MAP3K3: variants seen among roughly 807,000 people sequenced by gnomAD.
MAP3K3 encodes the protein MAP/ERK kinase kinase 3.
Under a neutral mutation model 80.9 loss-of-function variants are expected in MAP3K3, and 12 were observed. That is an observed-to-expected ratio of 0.15 (90% confidence interval 0.10 to 0.24). The LOEUF is 0.24. Ranked by LOEUF, MAP3K3 falls within the 10% of genes least tolerant of loss-of-function variation. MAP3K3 has a pLI of 1.00. For missense variants in MAP3K3, 596 were observed against 834.7 expected (o/e 0.71, Z 3.52); for synonymous variants, 272 against 307.1 (o/e 0.89, Z 1.19).
chr17:63,690,722 C>G (rs1012083550), intron 12 of MAP3K3: 2 of 437,748 alleles, frequency 4.6e-6, no homozygotes, highest in African/African-American at 2.0e-5. Context: ...CTCTCCCCAG[C>G]TCTCAGCCCA....
chr17:63,653,889 C>G (rs2034709446), intron 4 of MAP3K3, among the ~76,000 whole-genome samples: 1 of 151,922 alleles, frequency 6.6e-6, no homozygotes, highest in Non-Finnish European at 1.5e-5. Context: ...TTTTCTGAGA[C>G]AGAGTCTTGC....
At chr17:63,672,232 G>A (rs2035125573) in intron 6 of MAP3K3, among the ~76,000 whole-genome samples, 2 of 148,004 alleles carry the variant, frequency 1.4e-5, no homozygotes, top group Admixed American at 6.8e-5. Context: ...GCAGTGAGCC[G>A]AGATGGTGCC....
chr17:63,693,877 A>T lies in MAP3K3; in HGVS notation c.*100A>T. On this transcript the variant is annotated 3_prime_UTR_variant, in exon 16 of 16. Transcript: ENST00000361733. The surrounding 1 kb of genome is among the most constrained non-coding windows in gnomAD (Gnocchi z 4.2). ...CTGCTTCTCCCAGGCAAGGCTGTGGACCATGGAGTGGCAGCCCAGCCAGCG... is the reference window on the plus strand; with the variant it reads ...CTGCTTCTCCCAGGCAAGGCTGTGGTCCATGGAGTGGCAGCCCAGCCAGCG... The T allele has an allele frequency of 9.4e-7, 1 of 1,068,164 alleles. No homozygotes were observed. Among genetic ancestry groups the T allele is most frequent in the Non-Finnish European group, 1.3e-6 (1 of 744,424 alleles). The allele number at this position is 1,068,164 out of a possible 1,614,324, so 66.2% of individuals were successfully genotyped here.
intron 2 of MAP3K3, among the ~76,000 whole-genome samples, chr17:63,643,095 A>G (rs2034476904): frequency 6.6e-6 from 1 of 152,102 alleles, no homozygotes; most frequent in African/African-American, 2.4e-5. Flanking sequence ...AAAATTAAAC[A>G]AAAACAAAAA....
In MAP3K3 at chr17:63,693,152, A is replaced by G. The variant is rs986706785; in HGVS notation, c.1653-397A>G. Among the ~76,000 whole-genome samples the G allele has an allele frequency of 7.9e-5, 12 of 152,118 alleles. No individual in the cohort carries two copies. Among genetic ancestry groups the G allele is most frequent in the Non-Finnish European group, 1.3e-4 (9 of 68,010 alleles). On this transcript the variant is annotated intron_variant, in intron 15 of 15. Transcript: ENST00000361733. This position sits in a 1 kb window ranked among gnomAD's most constrained non-coding sequence, Gnocchi z 4.2. The stretch of plus-strand genomic sequence containing the variant: ...TCTCCCCTCAGAGCCTCTGACAGGA[A>G]CCAGCCCTGCCGCCACCTTGACTTT...
chr17:63,683,036 T>C (rs2143568735), intron 7 of MAP3K3, among the ~76,000 whole-genome samples: 1 of 152,328 alleles, frequency 6.6e-6, no homozygotes, highest in South Asian at 2.1e-4. Flanking sequence ...TCTAGCTTCA[T>C]TCTGGTCTTT....
chr17:63,658,004 C>A, intron 5 of MAP3K3, 97 bp downstream of exon 5: 1 of 605,780 alleles, frequency 1.7e-6, no homozygotes, highest in Non-Finnish European at 2.9e-6. Flanking sequence ...CGTTCCTCAG[C>A]CACTGCCAAA....
intron 1 of MAP3K3, among the ~76,000 whole-genome samples, chr17:63,627,937 A>C: frequency 1.4e-5 from 2 of 139,910 alleles, no homozygotes; most frequent in Non-Finnish European, 1.5e-5. Flanking sequence ...CAGAGTCTCT[A>C]CTCTGTCGCC....
Position 63,689,919 on chromosome 17 carries a change from C to T in MAP3K3, c.1063+184C>T, listed in dbSNP as rs1206978305. ...TCCACTATTGTGTGACAAGCCTCTTCTCCTCTCTGATCTTTAGTTTTTCCA... is the reference window on the plus strand; with the variant it reads ...TCCACTATTGTGTGACAAGCCTCTTTTCCTCTCTGATCTTTAGTTTTTCCA... On this transcript the variant is annotated intron_variant, in intron 11 of 15. Coordinates refer to ENST00000361733, the MANE Select transcript of MAP3K3 (RefSeq NM_002401.5). The surrounding 1 kb of genome is among the most constrained non-coding windows in gnomAD (Gnocchi z 4.3). 3 of 609,824 alleles carry T rather than the reference C, an allele frequency of 4.9e-6. No individual in the cohort carries two copies. 37.8% of individuals were successfully genotyped at this position (609,824 alleles called of 1,614,324 possible). A position where few individuals can be genotyped will look rare whatever the true frequency, so the allele number is the denominator to read the frequency against.
At chr17:63,638,846 G>T (rs1471183278) in intron 2 of MAP3K3, among the ~76,000 whole-genome samples, 1 of 151,854 alleles carries the variant, frequency 6.6e-6, no homozygotes, top group Non-Finnish European at 1.5e-5. Context: ...GGCCAACGTG[G>T]TGAAACCCTG....
rs188583624 is a variant in MAP3K3, at chr17:63,671,237, C to T, written c.502+4177C>T. 1.2e-3 allele frequency among the ~76,000 whole-genome samples: 176 copies of T among 151,450 alleles called. 1 individual carries two copies. Among genetic ancestry groups the T allele is most frequent in the African/African-American group, 4.2e-3 (174 of 41,022 alleles). On this transcript the variant is annotated intron_variant, in intron 6 of 15. Transcript: ENST00000361733. Reference sequence around the variant, plus strand: ...CTGGGGAGTCCCTTGGATCCTTTGACCCTGTGAGTTCAAAATTATTTTCTT... The same window carrying T: ...CTGGGGAGTCCCTTGGATCCTTTGATCCTGTGAGTTCAAAATTATTTTCTT...
chr17:63,629,205 C>T (rs1386423668), intron 1 of MAP3K3, among the ~76,000 whole-genome samples: 1 of 152,092 alleles, frequency 6.6e-6, no homozygotes, highest in Non-Finnish European at 1.5e-5. Context: ...TCACACCAAC[C>T]TCCGCCTCCT....
chr17:63,683,751 TAA>T (rs779596121), intron 7 of MAP3K3, among the ~76,000 whole-genome samples: 7 of 152,244 alleles, frequency 4.6e-5, no homozygotes, highest in Admixed American at 6.5e-5. Flanking sequence ...GAAAATATGA[TAA>T]GTTTTGTTTT....
In MAP3K3 at chr17:63,691,997, G is replaced by T. The variant is rs2035602185; in HGVS notation, c.1474+135G>T. Reference sequence around the variant, plus strand: ...CCCCAGTTGTTTCCCTGAGGAACTGGTGAGATTGGTTGAGCAATATGAGAG... The same window carrying T: ...CCCCAGTTGTTTCCCTGAGGAACTGTTGAGATTGGTTGAGCAATATGAGAG... On this transcript the variant is annotated intron_variant, in intron 14 of 15. Transcript: ENST00000361733. The surrounding 1 kb of genome is among the most constrained non-coding windows in gnomAD (Gnocchi z 4.8). 9.3e-7 allele frequency: 1 copy of T among 1,074,694 alleles called. No homozygotes were observed. Among genetic ancestry groups the T allele is most frequent in the Non-Finnish European group, 1.4e-6 (1 of 739,624 alleles). 66.6% of individuals were successfully genotyped at this position (1,074,694 alleles called of 1,614,324 possible).
At position 63,622,453 on chromosome 17, in the gene MAP3K3, C is replaced by G. The variant is rs1303788869; in HGVS notation, c.-307C>G. ...CGTTCCTGAGGTGGAGAACGGTGGC[C>G]GGACGGAGAGACTGCGGGTCTGAGG... On this transcript the variant is annotated 5_prime_UTR_variant, in exon 1 of 16. Transcript: ENST00000361733. 2 of 152,548 alleles carry G rather than the reference C, an allele frequency of 1.3e-5. No homozygotes were observed. The highest frequency in any genetic ancestry group is 2.9e-5 in the Non-Finnish European group (2 of 68,434). The allele number at this position is 152,548 out of a possible 1,614,324, so 9.4% of individuals were successfully genotyped here.
intron 6 of MAP3K3, among the ~76,000 whole-genome samples, chr17:63,674,459 A>G (rs2035175682): frequency 6.6e-6 from 1 of 151,974 alleles, no homozygotes; most frequent in South Asian, 2.1e-4. Flanking sequence ...TCAACCACCG[A>G]TCCTCGCCTC....
chr17:63,648,701 G>T (rs913809881), intron 3 of MAP3K3, among the ~76,000 whole-genome samples: 1 of 152,110 alleles, frequency 6.6e-6, no homozygotes, highest in African/African-American at 2.4e-5. Flanking sequence ...TGTAGTCCCA[G>T]CTACTCGGGA....
rs1173735213 is a variant in MAP3K3, at chr17:63,636,940, G to A, written c.126+4138G>A. Reference sequence around the variant, plus strand: ...CTGTATGCGCTTCATCCAGCTGGACGGGCTGGTCTAGGGGGGCCTCCAAGC... The same window carrying A: ...CTGTATGCGCTTCATCCAGCTGGACAGGCTGGTCTAGGGGGGCCTCCAAGC... On this transcript the variant is annotated intron_variant, in intron 2 of 15. Coordinates refer to ENST00000361733, the MANE Select transcript of MAP3K3 (RefSeq NM_002401.5). 3.9e-5 allele frequency: 22 copies of A among 566,404 alleles called. 1 individual carries two copies. The highest frequency in any genetic ancestry group is 2.7e-4 in the South Asian group (16 of 59,244). The allele number at this position is 566,404 out of a possible 1,614,324, so 35.1% of individuals were successfully genotyped here.
intron 6 of MAP3K3, among the ~76,000 whole-genome samples, chr17:63,668,935 G>A (rs1194907334): frequency 6.6e-6 from 1 of 152,168 alleles, no homozygotes; most frequent in Non-Finnish European, 1.5e-5. Flanking sequence ...CACAGAAAAG[G>A]TAACATCAGA....
Sources: allele counts gnomAD v4.1 joint callset (sites outside exome capture counted in the v4.1 genomes callset), GRCh38; gene constraint gnomAD v4.1.1; non-coding constraint Gnocchi (gnomAD v3.1); transcripts MANE v1.5; gene names NCBI Gene and HGNC (gene_info 2026-07-23, HGNC 2026-07-21).